ADAMTS6: variants seen among roughly 807,000 people sequenced by gnomAD.
The protein encoded by ADAMTS6 is A disintegrin and metalloproteinase with thrombospondin motifs 6.
A neutral mutation model predicts 144.3 loss-of-function variants in ADAMTS6; 23 were observed. The observed-to-expected ratio is 0.16, with a 90% CI of 0.11 to 0.23. ADAMTS6 has a LOEUF of 0.23. Among genes scored for constraint, ADAMTS6 ranks in the 10% least tolerant of loss-of-function variants. ADAMTS6 has a pLI of 1.00. For missense variants in ADAMTS6, 999 were observed against 1,379.6 expected, an observed-to-expected ratio of 0.72 and a Z score of 4.37; for synonymous variants, 444 against 457.5, an observed-to-expected ratio of 0.97 and a Z score of 0.38.
chr5:65,343,490 T>A (rs1580446933), intron 7 of ADAMTS6, among the ~76,000 whole-genome samples: 1 of 152,030 alleles, frequency 6.6e-6, no homozygotes, highest in South Asian at 2.1e-4. Flanking sequence ...CAGATAACCA[T>A]ATGCAAAAGA....
intron 9 of ADAMTS6, among the ~76,000 whole-genome samples, chr5:65,314,434 A>G (rs1301384965): frequency 6.6e-6 from 1 of 151,996 alleles, no homozygotes; most frequent in African/African-American, 2.4e-5. Flanking sequence ...CATGTAATTG[A>G]CATACTAGAA....
At chr5:65,205,590 G>A (rs1349470368) in intron 20 of ADAMTS6, among the ~76,000 whole-genome samples, 1 of 152,060 alleles carries the variant, frequency 6.6e-6, no homozygotes, top group East Asian at 1.9e-4. Context: ...TATCATTCCT[G>A]AAATATATAA....
intron 7 of ADAMTS6, among the ~76,000 whole-genome samples, chr5:65,421,984 C>T (rs1275219604): frequency 6.6e-6 from 1 of 152,052 alleles, no homozygotes; most frequent in Non-Finnish European, 1.5e-5. Flanking sequence ...AAAGATTCTG[C>T]ACAGCAAAAG....
chr5:65,464,826 C>T (rs1055182528), intron 3 of ADAMTS6, among the ~76,000 whole-genome samples: 1 of 152,196 alleles, frequency 6.6e-6, no homozygotes, highest in Non-Finnish European at 1.5e-5. Flanking sequence ...AACTGTCCCT[C>T]TAATATGCCA....
intron 7 of ADAMTS6, among the ~76,000 whole-genome samples, chr5:65,448,990 TAAGA>T (rs2150245176): frequency 6.6e-6 from 1 of 152,238 alleles, no homozygotes; most frequent in South Asian, 2.1e-4. Context: ...AAAAAATATA[TAAGA>T]GAGAGTCCAA....
chr5:65,177,839 G>A (rs1754074287), intron 22 of ADAMTS6, among the ~76,000 whole-genome samples: 1 of 152,192 alleles, frequency 6.6e-6, no homozygotes, highest in African/African-American at 2.4e-5. Flanking sequence ...TTTCCACTAA[G>A]GTGGTCCTCC....
At chr5:65,474,576 G>T (rs1760708470) in intron 1 of ADAMTS6, among the ~76,000 whole-genome samples, 2 of 152,016 alleles carry the variant, frequency 1.3e-5, no homozygotes, top group South Asian at 4.1e-4. Flanking sequence ...TCTCTGAAAT[G>T]TAACTTAAAA....
rs543689631 is a variant in ADAMTS6, at chr5:65,327,665, A to T, written c.1223+1713T>A. ...ATTGTAGGAAGAATTGAAAGGATTT[A>T]CCTATAAGGCCAACAACAACAACAA... On this transcript the variant is annotated intron_variant, in intron 9 of 24. Coordinates refer to ENST00000381055, the MANE Select transcript of ADAMTS6 (RefSeq NM_197941.4). Among the ~76,000 whole-genome samples, 6 of 152,300 alleles carry T rather than the reference A, an allele frequency of 3.9e-5. No homozygotes were observed. In the South Asian group the frequency reaches 1.2e-3, roughly 32 times the overall value.
In ADAMTS6 at chr5:65,290,236, T is replaced by C. The variant is rs182834781; in HGVS notation, c.1512+1093A>G. Among the ~76,000 whole-genome samples, 3 of 152,236 alleles carry C rather than the reference T, an allele frequency of 2.0e-5. No individual in the cohort carries two copies. In the East Asian group the frequency reaches 5.8e-4, roughly 29 times the overall value. On this transcript the variant is annotated intron_variant, in intron 11 of 24. Transcript: ENST00000381055. ...AATTATTATTATTTCTAAAAGAGGA[T>C]TTAAAAGACTATTTGCATAGAAATA...
intron 10 of ADAMTS6, among the ~76,000 whole-genome samples, chr5:65,293,516 A>G (rs1489395230): frequency 6.6e-6 from 1 of 152,114 alleles, no homozygotes; most frequent in Admixed American, 6.6e-5. Flanking sequence ...TCAGAGGAAG[A>G]ACTGTGTAGA....
At chr5:65,432,894 C>CAT (rs1757101876) in intron 7 of ADAMTS6, among the ~76,000 whole-genome samples, 1 of 152,068 alleles carries the variant, frequency 6.6e-6, no homozygotes, top group Non-Finnish European at 1.5e-5. Flanking sequence ...AGCACCATGA[C>CAT]ATATTATCAG....
chr5:65,210,961 GCAAAAACAAAAA>G (rs547483191), intron 20 of ADAMTS6: 122 of 217,670 alleles, frequency 5.6e-4, no homozygotes, highest in African/African-American at 2.8e-3. Flanking sequence ...CTTAATGACA[GCAAAAACAAAAA>G]CAAAAACAAA....
At chr5:65,250,627 A>G (rs1021981564) in intron 14 of ADAMTS6, among the ~76,000 whole-genome samples, 1 of 152,208 alleles carries the variant, frequency 6.6e-6, no homozygotes, top group Admixed American at 6.5e-5. Flanking sequence ...GGGAAATCAA[A>G]TGTTTAATAT....
rs1175522697 is a variant in ADAMTS6 at position 65,300,037 on chromosome 5, T to G, written c.1318A>C (p.Asn440His). 2 of 1,614,012 alleles carry G rather than the reference T, an allele frequency of 1.2e-6. No individual in the cohort carries two copies. The highest frequency in any genetic ancestry group is 1.3e-5 in the African/African-American group (1 of 74,930). The change falls in exon 10 of 25, where the codon AAT becomes CAT. Residue 440 changes from asparagine to histidine, a missense_variant. By Grantham distance (68) the Asn-to-His change is moderately conservative. This residue lies in a region of ADAMTS6 where 128 missense variants were observed against 249.0 expected (regional missense o/e 0.51). Coordinates refer to ENST00000381055, the MANE Select transcript of ADAMTS6 (RefSeq NM_197941.4). Reference protein sequence around the residue: ...LMAAHITANTNPFSWSACSRD... With the variant: ...LMAAHITANTHPFSWSACSRD... ...CTGCAAGCAGACCAGGAAAAAGGATTGGTATTCGCAGTAATGTGAGCTGCC... is the reference window on the plus strand; with the variant it reads ...CTGCAAGCAGACCAGGAAAAAGGATGGGTATTCGCAGTAATGTGAGCTGCC...
intron 14 of ADAMTS6, among the ~76,000 whole-genome samples, chr5:65,257,864 C>T (rs1442538065): frequency 1.3e-5 from 2 of 152,186 alleles, no homozygotes; most frequent in African/African-American, 2.4e-5. Flanking sequence ...TCACTTACCA[C>T]TCTGTATTAT....
At chr5:65,230,742 C>A (rs1758150972) in intron 15 of ADAMTS6, among the ~76,000 whole-genome samples, 1 of 95,708 alleles carries the variant, frequency 1.0e-5, no homozygotes, top group Non-Finnish European at 2.0e-5. Context: ...ATATATAACA[C>A]ATATGTATGA....
At chr5:65,172,689 G>T in intron 23 of ADAMTS6, 143 bp downstream of exon 23, 2 of 978,766 alleles carry the variant, frequency 2.0e-6, no homozygotes, top group Non-Finnish European at 2.9e-6. Context: ...TTTGTGCACT[G>T]TTTCACACTC....
intron 7 of ADAMTS6, among the ~76,000 whole-genome samples, chr5:65,375,428 AC>A (rs1278228629): frequency 1.3e-5 from 2 of 151,582 alleles, no homozygotes; most frequent in African/African-American, 4.9e-5. Flanking sequence ...AAAACAAACA[AC>A]CCCATCAAAA....
chr5:65,384,337 A>G (rs906879990), intron 7 of ADAMTS6, among the ~76,000 whole-genome samples: 1 of 152,136 alleles, frequency 6.6e-6, no homozygotes, highest in African/African-American at 2.4e-5. Context: ...ATAAGGAGTC[A>G]AGAGAAACCA....
Sources: allele counts gnomAD v4.1 joint callset (sites outside exome capture counted in the v4.1 genomes callset), GRCh38; gene constraint gnomAD v4.1.1; regional missense constraint gnomAD v4.1.1; transcripts MANE v1.5; gene names NCBI Gene and HGNC (gene_info 2026-07-23, HGNC 2026-07-21).